RASAL2: variants seen among roughly 807,000 people sequenced by gnomAD.
The protein encoded by RASAL2 is ras GTPase-activating protein nGAP.
RASAL2 carries 58 observed loss-of-function variants against 128.9 expected under a neutral mutation model. That is an observed-to-expected ratio of 0.45 (90% CI 0.36 to 0.56). RASAL2 has a LOEUF of 0.56. Among genes scored for constraint, RASAL2 ranks in the 20% least tolerant of loss-of-function variants. The pLI is 0.00. For synonymous variants in RASAL2, 561 were observed against 580.8 expected, an observed-to-expected ratio of 0.97 and a Z score of 0.49; for missense variants, 1,360 against 1,601.6, an observed-to-expected ratio of 0.85 and a Z score of 2.57.
intron 3 of RASAL2, among the ~76,000 whole-genome samples, chr1:178,351,153 C>A (rs999436064): frequency 1.3e-5 from 2 of 152,140 alleles, no homozygotes; most frequent in African/African-American, 4.8e-5. Flanking sequence ...GAAACTGCCC[C>A]CATGATCCAG....
chr1:178,283,577 A>G lies in RASAL2; in HGVS notation c.216A>G (p.Pro72=). The G allele has an allele frequency of 6.2e-7, 1 of 1,613,022 alleles. No homozygotes were observed. Among genetic ancestry groups the G allele is most frequent in the Non-Finnish European group, 8.5e-7 (1 of 1,179,662 alleles). ...TTTCTCATGCAGATGTGAAAGGACCACCCACCCACCGTCTGTCTTGTGGTC... is the reference window on the plus strand; with the variant it reads ...TTTCTCATGCAGATGTGAAAGGACCGCCCACCCACCGTCTGTCTTGTGGTC... ...SWVRVYDVKG[P]PTHRLSCGQS... is the part of the protein sequence containing the mutation. The change falls in exon 2 of 18, where the codon CCA becomes CCG. Residue 72 remains proline (P), a synonymous_variant. Transcript: ENST00000367649.
chr1:178,218,022 C>T (rs567511188), intron 1 of RASAL2, among the ~76,000 whole-genome samples: 2 of 152,220 alleles, frequency 1.3e-5, no homozygotes, highest in East Asian at 1.9e-4. Flanking sequence ...CTCAAGAAGC[C>T]GCTTTCTTTG....
At chr1:178,240,846 TG>T (rs1350557068) in intron 1 of RASAL2, among the ~76,000 whole-genome samples, 1 of 151,550 alleles carries the variant, frequency 6.6e-6, no homozygotes, top group African/African-American at 2.4e-5. Flanking sequence ...TTTATTATAA[TG>T]TTTTTTAGGA....
intron 1 of RASAL2, among the ~76,000 whole-genome samples, chr1:178,262,644 TGAA>T (rs1295576882): frequency 6.6e-6 from 1 of 152,178 alleles, no homozygotes; most frequent in African/African-American, 2.4e-5. Context: ...GAGAAATAGA[TGAA>T]GAAGATCAAT....
chr1:178,106,503 C>T (rs141389241), intron 1 of RASAL2, among the ~76,000 whole-genome samples: 190 of 152,194 alleles, frequency 1.2e-3, no homozygotes, highest in African/African-American at 4.5e-3. Flanking sequence ...AACGTATGGA[C>T]CTTGAATAAG....
chr1:178,282,456 G>A (rs1381384628), intron 1 of RASAL2, among the ~76,000 whole-genome samples: 1 of 152,164 alleles, frequency 6.6e-6, no homozygotes, highest in African/African-American at 2.4e-5. Flanking sequence ...TAATTATAAT[G>A]TAAGACACCT....
At chr1:178,117,644 G>A (rs968039738) in intron 1 of RASAL2, among the ~76,000 whole-genome samples, 1 of 152,100 alleles carries the variant, frequency 6.6e-6, no homozygotes, top group Non-Finnish European at 1.5e-5. Context: ...CCTTATAAAA[G>A]GGGTGCAAGG....
chr1:178,345,977 G>C (rs1022488518), intron 3 of RASAL2, among the ~76,000 whole-genome samples: 10 of 152,100 alleles, frequency 6.6e-5, no homozygotes, highest in African/African-American at 2.4e-4. Flanking sequence ...CTCAAACAAA[G>C]GGAAATAGAT....
intron 1 of RASAL2, among the ~76,000 whole-genome samples, chr1:178,171,546 T>A (rs1240303144): frequency 6.6e-6 from 1 of 152,050 alleles, no homozygotes; most frequent in East Asian, 1.9e-4. Flanking sequence ...ATTTTACTTG[T>A]ATAGTTGGGG....
intron 2 of RASAL2, among the ~76,000 whole-genome samples, chr1:178,294,491 TTTAA>T (rs1177763221): frequency 6.6e-6 from 1 of 151,934 alleles, no homozygotes; most frequent in East Asian, 1.9e-4. Context: ...GTTGCAGGAG[TTTAA>T]TTAAGAGATA....
intron 1 of RASAL2, chr1:178,125,311 C>T (rs189520769): frequency 6.6e-6 from 1 of 152,212 alleles, no homozygotes; most frequent in Non-Finnish European, 1.5e-5. Context: ...GTTTCTTTCA[C>T]TAAATTATTT....
At chr1:178,153,550 C>T (rs1660981148) in intron 1 of RASAL2, among the ~76,000 whole-genome samples, 1 of 152,132 alleles carries the variant, frequency 6.6e-6, no homozygotes, top group South Asian at 2.1e-4. Context: ...TTAATATAAA[C>T]GGAATCATAC....
At chr1:178,098,891 C>T (rs1011756443) in intron 1 of RASAL2, among the ~76,000 whole-genome samples, 1 of 152,142 alleles carries the variant, frequency 6.6e-6, no homozygotes, top group Non-Finnish European at 1.5e-5. Flanking sequence ...GGGAATTAAT[C>T]ATACTTCATT....
chr1:178,294,164 G>A (rs1667394815), intron 2 of RASAL2, among the ~76,000 whole-genome samples: 1 of 152,200 alleles, frequency 6.6e-6, no homozygotes, highest in South Asian at 2.1e-4. Flanking sequence ...CTAATTTATA[G>A]GATAGTAGTT....
chr1:178,281,238 AT>A lies in RASAL2; in HGVS notation c.203-2317del, dbSNP rs558663394. Among the ~76,000 whole-genome samples, 198 of 151,428 alleles carry A rather than the reference AT, an allele frequency of 1.3e-3. 2 individuals carry two copies. Among genetic ancestry groups the A allele is most frequent in the African/African-American group, 4.3e-3 (179 of 41,366 alleles). On this transcript the variant is annotated intron_variant, in intron 1 of 17. Transcript: ENST00000367649. ...AAATCCCTCTGTTTAGACAGACATA[AT>A]TTTTTTTTAATATAGAAGCATTGCT... is the stretch of plus-strand genomic sequence containing the variant.
At chr1:178,135,436 C>T (rs1163758567) in intron 1 of RASAL2, among the ~76,000 whole-genome samples, 1 of 139,948 alleles carries the variant, frequency 7.1e-6, no homozygotes, top group Non-Finnish European at 1.5e-5. Flanking sequence ...TTAATTTGGC[C>T]TAAATATTAT....
At chr1:178,353,374 CAG>C (rs1185344140) in intron 3 of RASAL2, among the ~76,000 whole-genome samples, 1 of 152,204 alleles carries the variant, frequency 6.6e-6, no homozygotes, top group East Asian at 1.9e-4. Context: ...ATCCCTAGGA[CAG>C]GGGCAGAAGG....
chr1:178,397,336 A>T (rs1673301891), intron 4 of RASAL2, among the ~76,000 whole-genome samples: 1 of 152,200 alleles, frequency 6.6e-6, no homozygotes, highest in Non-Finnish European at 1.5e-5. Flanking sequence ...ACATGAATGA[A>T]CTTTGAAAAT....
intron 3 of RASAL2, among the ~76,000 whole-genome samples, chr1:178,376,118 T>C (rs1282545303): frequency 2.6e-5 from 4 of 151,952 alleles, no homozygotes; most frequent in African/African-American, 9.7e-5. Flanking sequence ...TGGTGTGGTA[T>C]TACAGGTGCT....
Sources: gnomAD v4.1 joint callset for allele counts (sites outside exome capture counted in the v4.1 genomes callset) on GRCh38, gnomAD v4.1.1 for gene constraint, MANE v1.5 for transcripts, NCBI Gene and HGNC (gene_info 2026-07-23, HGNC 2026-07-21) for gene names.